Variants in PNLIPRP3 observed in about 807,000 individuals in gnomAD.
PNLIPRP3 encodes pancreatic lipase related protein 3, also known as pancreatic lipase-related protein 3.
In PNLIPRP3, 58 loss-of-function variants were observed where a neutral mutation model predicts 52.8. That is an observed-to-expected ratio of 1.10 (90% CI 0.89 to 1.37). The LOEUF is 1.37. PNLIPRP3 is among the 40% of genes most tolerant of loss of function. PNLIPRP3 has a pLI of 0.00. For missense variants in PNLIPRP3, 593 were observed against 561.6 expected (o/e 1.06, Z -0.57); for synonymous variants, 192 against 185.0 (o/e 1.04, Z -0.31).
chr10:116,461,957 G>A (rs893175157), intron 7 of PNLIPRP3, among the ~76,000 whole-genome samples: 2 of 152,118 alleles, frequency 1.3e-5, no homozygotes, highest in Admixed American at 1.3e-4. Context: ...TAGGTAAAAG[G>A]AAAGAAGTAG....
At position 116,477,503 on chromosome 10, in the gene PNLIPRP3, A is replaced by T. The variant is rs1340265073; in HGVS notation, c.*350A>T. ...ACAAAAGTAAGCCTCTGGCTTGCTG[A>T]GTTTTTGAAGTATATTTTCAGGTAT... On this transcript the variant is annotated 3_prime_UTR_variant, in exon 12 of 12. Coordinates refer to ENST00000369230, the MANE Select transcript of PNLIPRP3 (RefSeq NM_001011709.3). 6.0e-6 allele frequency: 1 copy of T among 167,892 alleles called. No homozygotes were observed. Among genetic ancestry groups the T allele is most frequent in the Non-Finnish European group, 1.3e-5 (1 of 79,180 alleles). 10.4% of individuals were successfully genotyped at this position (167,892 alleles called of 1,614,324 possible).
chr10:116,439,872 A>T (rs1471891791), intron 2 of PNLIPRP3: 7 of 788,050 alleles, frequency 8.9e-6, no homozygotes, highest in Non-Finnish European at 1.6e-5. Context: ...CATCAAATTT[A>T]GATTTCTCTT....
At chr10:116,429,984 T>C (rs1845686638) in intron 1 of PNLIPRP3, among the ~76,000 whole-genome samples, 1 of 152,100 alleles carries the variant, frequency 6.6e-6, no homozygotes, top group African/African-American at 2.4e-5. Flanking sequence ...ACAGCATGTT[T>C]GTGTGAGGCT....
At chr10:116,464,540 G>A (rs1162945585) in intron 7 of PNLIPRP3, among the ~76,000 whole-genome samples, 2 of 152,222 alleles carry the variant, frequency 1.3e-5, no homozygotes, top group Admixed American at 6.5e-5. Context: ...TGCTGTGGTA[G>A]GGCAGGTGGC....
chr10:116,440,694 A>C (rs905576523), intron 2 of PNLIPRP3, among the ~76,000 whole-genome samples: 3 of 152,304 alleles, frequency 2.0e-5, no homozygotes, highest in East Asian at 3.9e-4. Flanking sequence ...TGGAGGTCAC[A>C]GGTCTTTACA....
At chr10:116,475,443 C>T (rs1321311297) in intron 10 of PNLIPRP3, among the ~76,000 whole-genome samples, 7 of 152,124 alleles carry the variant, frequency 4.6e-5, no homozygotes, top group Non-Finnish European at 1.5e-5. Context: ...CCAGCTTCAC[C>T]ATAGGTTATA....
At chr10:116,450,784 T>A (rs1045821320) in intron 4 of PNLIPRP3, among the ~76,000 whole-genome samples, 1 of 152,062 alleles carries the variant, frequency 6.6e-6, no homozygotes, top group Admixed American at 6.6e-5. Context: ...CAGACCTGTA[T>A]TAAAGAAGAC....
At chr10:116,460,928 C>A in intron 5 of PNLIPRP3, 38 bp from the exon 6 acceptor site, 1 of 1,601,736 alleles carries the variant, frequency 6.2e-7, no homozygotes, top group Admixed American at 1.7e-5. Flanking sequence ...TATTAATGTG[C>A]ACTTCCATAG....
chr10:116,469,581 G>A (rs1472045136), intron 9 of PNLIPRP3, among the ~76,000 whole-genome samples: 4 of 152,180 alleles, frequency 2.6e-5, no homozygotes, highest in Admixed American at 6.5e-5. Flanking sequence ...AGAGCCTTTC[G>A]AGGAAAAGAG....
In PNLIPRP3 at chr10:116,471,805, C is replaced by T. The variant is rs764061609; in HGVS notation, c.1098C>T (p.Ser366=). 70 of 1,611,338 alleles carry T rather than the reference C, an allele frequency of 4.3e-5. 1 individual carries two copies. The South Asian group carries it at 5.7e-4, about 13-fold the overall frequency. ...RHKLSVKLSG[S]EVTQGTVFLR... ...AATTGTCTGTTAAACTCAGTGGAAG[C>T]GAAGTCACTCAAGGAACTGTCTTTC... Residue 366 remains serine (S), a synonymous_variant, in exon 10 of 12, where the codon AGC becomes AGT. Transcript: ENST00000369230.
Position 116,477,087 on chromosome 10 carries a change from C to T in PNLIPRP3, c.1341-3C>T. On this transcript the variant is annotated splice_polypyrimidine_tract_variant and splice_region_variant and intron_variant, in intron 11 of 11. Coordinates refer to ENST00000369230, the MANE Select transcript of PNLIPRP3 (RefSeq NM_001011709.3). Reference sequence around the variant, plus strand: ...CCTTTTTTTTTTCCTTAAAAACTTTCAGATCTACCTTCTGTAGCCAAGACA... The same window carrying T: ...CCTTTTTTTTTTCCTTAAAAACTTTTAGATCTACCTTCTGTAGCCAAGACA... The T allele has an allele frequency of 1.3e-6, 2 of 1,576,522 alleles. No individual in the cohort carries two copies. The highest frequency in any genetic ancestry group is 1.8e-5 in the Admixed American group (1 of 56,380).
In PNLIPRP3 at chr10:116,436,720, T is replaced by C; in HGVS notation, c.59T>C (p.Val20Ala). 3 of 1,607,998 alleles carry C rather than the reference T, an allele frequency of 1.9e-6. No homozygotes were observed. Among genetic ancestry groups the C allele is most frequent in the African/African-American group, 1.3e-5 (1 of 74,904 alleles). ...CACCTTTCTGCTGCAGGAAAAGAAG[T>C]TTGCTATGAAAGGTTAGGGTGTTTC... Reference protein sequence around the residue: ...LFFGTSRGKEVCYERLGCFKD... With the variant: ...LFFGTSRGKEACYERLGCFKD... Residue 20 changes from valine to alanine, a missense_variant, in exon 2 of 12, where the codon GTT (valine) becomes GCT (alanine). Val to Ala is a moderately conservative substitution (Grantham distance 64). Coordinates refer to ENST00000369230, the MANE Select transcript of PNLIPRP3 (RefSeq NM_001011709.3).
At chr10:116,437,810 C>T (rs1307200398) in intron 2 of PNLIPRP3, among the ~76,000 whole-genome samples, 1 of 152,076 alleles carries the variant, frequency 6.6e-6, no homozygotes, top group African/African-American at 2.4e-5. Flanking sequence ...ATTCATCAGC[C>T]ACACCAGCCA....
chr10:116,435,436 T>C (rs952199380), intron 1 of PNLIPRP3, among the ~76,000 whole-genome samples: 25 of 79,878 alleles, frequency 3.1e-4, no homozygotes, highest in African/African-American at 1.0e-3. Flanking sequence ...TAGAAGCCAA[T>C]AAATGAGCCA....
At chr10:116,433,004 C>G (rs898273134) in intron 1 of PNLIPRP3, among the ~76,000 whole-genome samples, 1 of 148,738 alleles carries the variant, frequency 6.7e-6, no homozygotes, top group Non-Finnish European at 1.5e-5. Context: ...ATCCCAGCTA[C>G]GCGGGAGGCT....
chr10:116,434,302 T>G (rs1453048144), intron 1 of PNLIPRP3, among the ~76,000 whole-genome samples: 1 of 152,148 alleles, frequency 6.6e-6, no homozygotes, highest in African/African-American at 2.4e-5. Context: ...TTCTTTTAAT[T>G]TTACTTTTTT....
In PNLIPRP3 at chr10:116,466,055, G is replaced by C; in HGVS notation, c.814G>C (p.Ala272Pro). ...FNFNAYKKEM[A>P]SFFDCNHARS... is the part of the protein sequence containing the mutation. ...ATTGGGAATTGTTTTCACAGAAATG[G>C]CTTCCTTCTTTGACTGTAACCATGC... The change falls in exon 8 of 12, where the codon GCT becomes CCT. Residue 272 changes from alanine to proline, a missense_variant. Transcript: ENST00000369230. 6.2e-7 allele frequency: 1 copy of C among 1,609,724 alleles called. No individual in the cohort carries two copies. Among genetic ancestry groups the C allele is most frequent in the Non-Finnish European group, 8.5e-7 (1 of 1,176,466 alleles).
At chr10:116,459,148 G>C (rs1846155679) in intron 5 of PNLIPRP3, among the ~76,000 whole-genome samples, 1 of 151,610 alleles carries the variant, frequency 6.6e-6, no homozygotes. Context: ...CTCTCTCCAG[G>C]CTACTTCATG....
rs1384274973 is a variant in PNLIPRP3, at chr10:116,477,304, T to C, written c.*151T>C. The C allele has an allele frequency of 3.4e-5, 18 of 526,082 alleles. No individual in the cohort carries two copies. In the South Asian group the frequency reaches 4.4e-4, roughly 13 times the overall value. The allele number at this position is 526,082 out of a possible 1,614,324, so 32.6% of individuals were successfully genotyped here. ...GAGTCAAGTACGGGTTTGCTTTTTT[T>C]CTGTGTAGAATGTTCATCTAACTGC... On this transcript the variant is annotated 3_prime_UTR_variant, in exon 12 of 12. Transcript: ENST00000369230.
Sources: gnomAD v4.1 joint callset for allele counts (sites outside exome capture counted in the v4.1 genomes callset) on GRCh38, gnomAD v4.1.1 for gene constraint, MANE v1.5 for transcripts, NCBI Gene and HGNC (gene_info 2026-07-23, HGNC 2026-07-21) for gene names.